CCDC192: variants seen among roughly 807,000 people sequenced by gnomAD.
CCDC192 encodes coiled-coil domain containing 192, also known as coiled-coil domain-containing protein 192.
chr5:127,815,349 G>C (rs1748955646), intron 5 of CCDC192, among the ~76,000 whole-genome samples: 1 of 152,170 alleles, frequency 6.6e-6, no homozygotes, highest in Non-Finnish European at 1.5e-5. Flanking sequence ...CTCTCTTGCT[G>C]GATTTCATTT....
intron 2 of CCDC192, among the ~76,000 whole-genome samples, chr5:127,733,929 A>T (rs183315257): frequency 0.011 from 1,533 of 145,880 alleles, 10 homozygotes; most frequent in African/African-American, 0.014. Flanking sequence ...ATATATATAT[A>T]TATTTTTTTA....
At chr5:127,807,167 A>G (rs1654087) in intron 5 of CCDC192, among the ~76,000 whole-genome samples, 48,308 of 152,162 alleles carry the variant, frequency 0.32, 8,462 homozygotes, top group Middle Eastern at 0.4. Context: ...GTAAGTGTTC[A>G]ATAAATCTAT....
intron 5 of CCDC192, among the ~76,000 whole-genome samples, chr5:127,862,639 T>C (rs1238966435): frequency 6.6e-5 from 10 of 152,156 alleles, no homozygotes; most frequent in Non-Finnish European, 1.3e-4. Flanking sequence ...TATAGAACAA[T>C]AGGGGAAACC....
At chr5:127,921,301 T>C (rs1181931867) in intron 6 of CCDC192, among the ~76,000 whole-genome samples, 1 of 151,764 alleles carries the variant, frequency 6.6e-6, no homozygotes. Context: ...ACTGACAAGG[T>C]AGTTAAGTAG....
chr5:127,829,636 A>G (rs569720920), intron 5 of CCDC192, among the ~76,000 whole-genome samples: 3 of 152,358 alleles, frequency 2.0e-5, no homozygotes, highest in East Asian at 1.9e-4. Context: ...AAATATTTGC[A>G]AAGAAAATTA....
intron 6 of CCDC192, among the ~76,000 whole-genome samples, chr5:127,876,864 A>T (rs1378969689): frequency 6.6e-6 from 1 of 152,202 alleles, no homozygotes; most frequent in Non-Finnish European, 1.5e-5. Context: ...CCAGGATTCA[A>T]ATGCCATGTA....
intron 6 of CCDC192, among the ~76,000 whole-genome samples, chr5:127,938,070 T>C (rs1185751395): frequency 6.6e-6 from 1 of 151,774 alleles, no homozygotes; most frequent in Non-Finnish European, 1.5e-5. Context: ...GCATCTTCCC[T>C]GGCCACTTTG....
At chr5:127,723,912 A>G (rs370300777) in intron 2 of CCDC192, among the ~76,000 whole-genome samples, 127 of 152,362 alleles carry the variant, frequency 8.3e-4, no homozygotes, top group African/African-American at 3.0e-3. Flanking sequence ...GTTAGATCAG[A>G]TATCAGAGTC....
intron 2 of CCDC192, among the ~76,000 whole-genome samples, chr5:127,708,101 G>T (rs557706545): frequency 6.6e-6 from 1 of 152,274 alleles, no homozygotes; most frequent in East Asian, 1.9e-4. Flanking sequence ...GTCAGCTTGT[G>T]TATGAGGAAA....
chr5:127,712,235 C>A (rs1246583350), intron 2 of CCDC192, among the ~76,000 whole-genome samples: 1 of 152,154 alleles, frequency 6.6e-6, no homozygotes, highest in Non-Finnish European at 1.5e-5. Flanking sequence ...ATCTGTTTAT[C>A]CCTGCTGCAG....
intron 2 of CCDC192, among the ~76,000 whole-genome samples, chr5:127,712,052 C>T (rs985756836): frequency 6.6e-6 from 1 of 152,088 alleles, no homozygotes; most frequent in South Asian, 2.1e-4. Flanking sequence ...CCCACCTGCC[C>T]ACACCCCTCA....
chr5:127,772,293 T>G (rs1378770037), intron 3 of CCDC192, among the ~76,000 whole-genome samples: 3 of 151,968 alleles, frequency 2.0e-5, no homozygotes, highest in African/African-American at 7.3e-5. Context: ...AAATCCCATC[T>G]CTACTAAAAA....
At chr5:127,876,843 A>T (rs1420225533) in intron 6 of CCDC192, among the ~76,000 whole-genome samples, 2 of 152,190 alleles carry the variant, frequency 1.3e-5, no homozygotes, top group Admixed American at 1.3e-4. Flanking sequence ...TCAATTTCGT[A>T]TAGTGCTTTC....
At chr5:127,855,501 C>A (rs2127093331) in intron 5 of CCDC192, among the ~76,000 whole-genome samples, 1 of 152,294 alleles carries the variant, frequency 6.6e-6, no homozygotes, top group South Asian at 2.1e-4. Flanking sequence ...CAATTTCTTC[C>A]AAACTCCTGC....
intron 3 of CCDC192, among the ~76,000 whole-genome samples, chr5:127,769,090 A>C (rs1033742812): frequency 3.3e-5 from 5 of 152,234 alleles, no homozygotes; most frequent in African/African-American, 1.2e-4. Context: ...ATTCTGCAAT[A>C]TTAATTACCG....
chr5:127,761,186 CTGTT>C (rs1197733642), intron 3 of CCDC192, among the ~76,000 whole-genome samples: 6 of 152,174 alleles, frequency 3.9e-5, no homozygotes, highest in South Asian at 2.1e-4. Context: ...GCTGTTTTTT[CTGTT>C]TGTTTGTTTT....
At chr5:127,741,514 T>A (rs1483345851) in intron 2 of CCDC192, among the ~76,000 whole-genome samples, 1 of 152,228 alleles carries the variant, frequency 6.6e-6, no homozygotes, top group Non-Finnish European at 1.5e-5. Flanking sequence ...GTGTGCTTAC[T>A]GTATGTGTGT....
intron 5 of CCDC192, among the ~76,000 whole-genome samples, chr5:127,851,833 T>C (rs1027292136): frequency 7.9e-5 from 12 of 152,216 alleles, no homozygotes; most frequent in African/African-American, 2.9e-4. Context: ...TCCCTCCCAG[T>C]TAAGAAAAAT....
In CCDC192 at chr5:127,879,045, T is replaced by C. The variant is rs1392260640; in HGVS notation, c.535+3384T>C. The stretch of plus-strand genomic sequence containing the variant: ...TGTATAAGAATGCTTGTGATTTTTG[T>C]ACATTGATTTTGTATCCTGAGACTT... On this transcript the variant is annotated intron_variant, in intron 6 of 6. Transcript: ENST00000514853. Among the ~76,000 whole-genome samples the C allele has an allele frequency of 3.3e-5, 5 of 150,548 alleles. No homozygotes were observed. The South Asian group carries it at 1.1e-3, about 32-fold the overall frequency.
Sources: allele counts gnomAD v4.1 joint callset (sites outside exome capture counted in the v4.1 genomes callset), GRCh38; gene constraint gnomAD v4.1.1; transcripts MANE v1.5; gene names NCBI Gene and HGNC (gene_info 2026-07-23, HGNC 2026-07-21).